NKAIN2: variants seen among roughly 807,000 people sequenced by gnomAD.
NKAIN2 encodes sodium/potassium transporting ATPase interacting 2, also known as sodium/potassium-transporting ATPase subunit beta-1-interacting protein 2.
NKAIN2 carries 14 observed loss-of-function variants against 32.6 expected under a neutral mutation model. That is an observed-to-expected ratio of 0.43 (90% CI 0.28 to 0.67). The LOEUF is 0.67. NKAIN2 is among the 30% of genes least tolerant of loss of function. The pLI, the probability that NKAIN2 is intolerant of heterozygous loss-of-function variation, is 0.17. For synonymous variants in NKAIN2, 80 were observed against 87.2 expected (o/e 0.92, Z 0.46); for missense variants, 198 against 258.3 (o/e 0.77, Z 1.60).
chr6:124,197,035 A>G (rs1374364445), intron 1 of NKAIN2, among the ~76,000 whole-genome samples: 1 of 151,582 alleles, frequency 6.6e-6, no homozygotes, highest in Non-Finnish European at 1.5e-5. Context: ...TAAATCTGGA[A>G]TAGTATGCTT....
chr6:124,727,726 A>G (rs1264358269), intron 4 of NKAIN2, among the ~76,000 whole-genome samples: 3 of 148,570 alleles, frequency 2.0e-5, no homozygotes, highest in African/African-American at 5.0e-5. Flanking sequence ...TTAAATGTAA[A>G]TGGGCTAAAT....
intron 1 of NKAIN2, among the ~76,000 whole-genome samples, chr6:124,252,937 T>C (rs545730253): frequency 6.6e-6 from 1 of 152,304 alleles, no homozygotes; most frequent in Non-Finnish European, 1.5e-5. Flanking sequence ...AACTATACGT[T>C]AGTTAAATAA....
chr6:123,932,587 T>A (rs1253697537), intron 1 of NKAIN2, among the ~76,000 whole-genome samples: 1 of 151,816 alleles, frequency 6.6e-6, no homozygotes, highest in Non-Finnish European at 1.5e-5. Flanking sequence ...CGGCTAATTT[T>A]TTCTATTTTT....
At chr6:123,847,862 G>C (rs749327978) in intron 1 of NKAIN2, among the ~76,000 whole-genome samples, 6 of 152,064 alleles carry the variant, frequency 3.9e-5, no homozygotes, top group African/African-American at 1.4e-4. Context: ...GGGATGGTAC[G>C]GAGCTTGAGA....
chr6:124,151,316 T>C (rs1448092873), intron 1 of NKAIN2, among the ~76,000 whole-genome samples: 1 of 152,058 alleles, frequency 6.6e-6, no homozygotes, highest in East Asian at 1.9e-4. Flanking sequence ...ATCAGAAGTA[T>C]ACAACAGATC....
At chr6:124,113,525 G>A (rs1236930320) in intron 1 of NKAIN2, among the ~76,000 whole-genome samples, 1 of 152,046 alleles carries the variant, frequency 6.6e-6, no homozygotes, top group Non-Finnish European at 1.5e-5. Flanking sequence ...AGCCCAAGAT[G>A]TTGCCTGCAT....
At chr6:124,009,393 A>G (rs1301384521) in intron 1 of NKAIN2, among the ~76,000 whole-genome samples, 1 of 152,202 alleles carries the variant, frequency 6.6e-6, no homozygotes, top group Non-Finnish European at 1.5e-5. Context: ...TGTATTCTAA[A>G]GAAGATGCTA....
chr6:123,894,384 C>T (rs145326727), intron 1 of NKAIN2, among the ~76,000 whole-genome samples: 28 of 152,028 alleles, frequency 1.8e-4, no homozygotes, highest in African/African-American at 5.3e-4. Context: ...AATAACTCAA[C>T]GAAATCTAGA....
intron 1 of NKAIN2, among the ~76,000 whole-genome samples, chr6:124,106,038 C>T (rs909998855): frequency 6.6e-6 from 1 of 151,992 alleles, no homozygotes; most frequent in Non-Finnish European, 1.5e-5. Flanking sequence ...GGGATTTGAA[C>T]TCAAGTAGCA....
chr6:123,931,840 T>C (rs1169876834), intron 1 of NKAIN2, among the ~76,000 whole-genome samples: 3 of 152,146 alleles, frequency 2.0e-5, no homozygotes, highest in Non-Finnish European at 2.9e-5. Context: ...GCCCAACCAA[T>C]GCACATCTTA....
At chr6:124,115,505 A>T (rs1321948387) in intron 1 of NKAIN2, among the ~76,000 whole-genome samples, 1 of 152,122 alleles carries the variant, frequency 6.6e-6, no homozygotes, top group African/African-American at 2.4e-5. Context: ...AGAAAAAAAA[A>T]TTAAGGAAAA....
At chr6:124,070,112 A>G (rs966258522) in intron 1 of NKAIN2, among the ~76,000 whole-genome samples, 3 of 152,090 alleles carry the variant, frequency 2.0e-5, no homozygotes, top group Non-Finnish European at 2.9e-5. Flanking sequence ...TTAAAAGTTT[A>G]CATCTTGTTT....
chr6:124,439,821 A>T (rs1449625163), intron 3 of NKAIN2, among the ~76,000 whole-genome samples: 2 of 151,968 alleles, frequency 1.3e-5, no homozygotes, highest in African/African-American at 4.8e-5. Flanking sequence ...AGAAAATATG[A>T]TATTTCTTCT....
intron 3 of NKAIN2, among the ~76,000 whole-genome samples, chr6:124,637,918 G>T (rs1044299897): frequency 6.6e-6 from 1 of 151,994 alleles, no homozygotes; most frequent in African/African-American, 2.4e-5. Context: ...TCTAATACTT[G>T]TATGGAACCA....
intron 3 of NKAIN2, among the ~76,000 whole-genome samples, chr6:124,574,271 A>T (rs146959876): frequency 6.6e-6 from 1 of 151,374 alleles, no homozygotes; most frequent in African/African-American, 2.4e-5. Flanking sequence ...CTAAAGTTTT[A>T]TTGAAAATAA....
chr6:124,715,618 C>G (rs935153239), intron 4 of NKAIN2, among the ~76,000 whole-genome samples: 3 of 152,178 alleles, frequency 2.0e-5, no homozygotes, highest in Admixed American at 1.3e-4. Flanking sequence ...CTGAGGTGGA[C>G]GAGCTTGGAG....
intron 1 of NKAIN2, among the ~76,000 whole-genome samples, chr6:124,146,645 T>C (rs941202079): frequency 5.9e-5 from 9 of 152,208 alleles, no homozygotes; most frequent in Non-Finnish European, 1.2e-4. Flanking sequence ...TAACCTGTGT[T>C]ATATTCACAC....
At position 124,251,877 on chromosome 6, in the gene NKAIN2, C is replaced by T. The variant is rs368925980; in HGVS notation, c.55-31128C>T. On this transcript the variant is annotated intron_variant, in intron 1 of 6. Coordinates refer to ENST00000368417, the MANE Select transcript of NKAIN2 (RefSeq NM_001040214.3). ...AAAAAGTCTACTTCTAAATGTAAAACCTATAGAAATTTTTGAACCTGCAAA... is the reference window on the plus strand; with the variant it reads ...AAAAAGTCTACTTCTAAATGTAAAATCTATAGAAATTTTTGAACCTGCAAA... Among the ~76,000 whole-genome samples, 11 of 151,932 alleles carry T rather than the reference C, an allele frequency of 7.2e-5. No individual in the cohort carries two copies. The East Asian group carries it at 1.2e-3, about 16-fold the overall frequency.
chr6:124,365,100 AG>A (rs1235365034), intron 3 of NKAIN2, among the ~76,000 whole-genome samples: 1 of 151,970 alleles, frequency 6.6e-6, no homozygotes, highest in Non-Finnish European at 1.5e-5. Flanking sequence ...GATTAGCCTA[AG>A]CAATGCTAAG....
Sources: allele counts gnomAD v4.1 joint callset (sites outside exome capture counted in the v4.1 genomes callset), GRCh38; gene constraint gnomAD v4.1.1; transcripts MANE v1.5; gene names NCBI Gene and HGNC (gene_info 2026-07-23, HGNC 2026-07-21).